Variants in TFEC observed in about 807,000 individuals in gnomAD.
The protein encoded by TFEC is class E basic helix-loop-helix protein 34.
TFEC carries 31 observed loss-of-function variants against 41.6 expected under a neutral mutation model. The observed-to-expected ratio is 0.74, with a 90% CI of 0.56 to 1.01. TFEC has a LOEUF of 1.01. TFEC is among the 50% of genes least tolerant of loss of function. The pLI is 0.00. For synonymous variants in TFEC, 143 were observed against 140.6 expected, an observed-to-expected ratio of 1.02 and a Z score of -0.12; for missense variants, 402 against 404.1, an observed-to-expected ratio of 0.99 and a Z score of 0.04.
intron 1 of TFEC, among the ~76,000 whole-genome samples, chr7:116,157,117 T>C (rs1798885803): frequency 6.6e-6 from 1 of 152,198 alleles, no homozygotes; most frequent in African/African-American, 2.4e-5. Flanking sequence ...GTTTTAAAAT[T>C]GTATCCTTCT....
At position 115,942,004 on chromosome 7, in the gene TFEC, TG is replaced by T; in HGVS notation, c.551del (p.Ala184AspfsTer26). 6.2e-7 allele frequency: 1 copy of T among 1,613,072 alleles called. No homozygotes were observed. Among genetic ancestry groups the T allele is most frequent in the Non-Finnish European group, 8.5e-7 (1 of 1,179,320 alleles). ...MRWNKGTILKASVEYIKWLQK... is the reference protein window; with the variant it reads ...MRWNKGTILKXSVEYIKWLQK... ...GTAGCCACTTGATGTACTCCACTGA[TG>T]CTTTTAGAATGGTTCCTTTGTTCCA... On this transcript the variant is annotated frameshift_variant, in exon 7 of 8. Coordinates refer to ENST00000265440, the MANE Select transcript of TFEC (RefSeq NM_012252.4). LOFTEE classifies it high-confidence loss of function.
intron 1 of TFEC, among the ~76,000 whole-genome samples, chr7:116,120,960 A>G (rs772302964): frequency 2.0e-5 from 3 of 152,002 alleles, no homozygotes; most frequent in Admixed American, 6.6e-5. Flanking sequence ...TCAGAAGGAT[A>G]ACCAGTATTA....
At chr7:116,025,939 C>T (rs936429180) in intron 1 of TFEC, among the ~76,000 whole-genome samples, 4 of 152,196 alleles carry the variant, frequency 2.6e-5, no homozygotes, top group African/African-American at 7.2e-5. Context: ...TCTCTTAAAT[C>T]GGATACAGAA....
In TFEC at chr7:115,963,217, A is replaced by G. The variant is rs146480242; in HGVS notation, c.268-6424T>C. On this transcript the variant is annotated intron_variant, in intron 3 of 7. Coordinates refer to ENST00000265440, the MANE Select transcript of TFEC (RefSeq NM_012252.4). Reference sequence around the variant, plus strand: ...TTAAGATATATACAAATGGCCAATAAGCACATGAAAAGATGCCCAATATCA... The same window carrying G: ...TTAAGATATATACAAATGGCCAATAGGCACATGAAAAGATGCCCAATATCA... 3.4e-4 allele frequency among the ~76,000 whole-genome samples: 52 copies of G among 151,964 alleles called. No homozygotes were observed. The South Asian group carries it at 4.3e-3, about 13-fold the overall frequency.
At chr7:116,155,695 T>G (rs1798856249) in intron 1 of TFEC, among the ~76,000 whole-genome samples, 2 of 152,310 alleles carry the variant, frequency 1.3e-5, no homozygotes, top group South Asian at 4.1e-4. Flanking sequence ...TCAGGCCACA[T>G]GTTTAATCAG....
At chr7:116,022,510 T>C (rs910394864) in intron 1 of TFEC, among the ~76,000 whole-genome samples, 3 of 152,196 alleles carry the variant, frequency 2.0e-5, no homozygotes, top group African/African-American at 7.2e-5. Flanking sequence ...CAAGTAGCCT[T>C]ATCTTTATAA....
chr7:116,010,131 T>A (rs1384739192), intron 1 of TFEC, among the ~76,000 whole-genome samples: 1 of 151,956 alleles, frequency 6.6e-6, no homozygotes, highest in Non-Finnish European at 1.5e-5. Context: ...ATAATGGAGC[T>A]AGAGCAGAAA....
intron 1 of TFEC, among the ~76,000 whole-genome samples, chr7:116,135,244 C>T (rs991535842): frequency 2.6e-5 from 4 of 152,032 alleles, no homozygotes; most frequent in Non-Finnish European, 4.4e-5. Flanking sequence ...AAAGCTCCAC[C>T]GTTTCACTGT....
chr7:116,063,741 C>T (rs1407166349), intron 3 of TFEC, among the ~76,000 whole-genome samples: 1 of 152,176 alleles, frequency 6.6e-6, no homozygotes, highest in African/African-American at 2.4e-5. Context: ...ATAATGTCCT[C>T]TAGGTTCATC....
chr7:115,983,187 A>G (rs1226792262), intron 2 of TFEC, among the ~76,000 whole-genome samples: 2 of 152,134 alleles, frequency 1.3e-5, no homozygotes, highest in Admixed American at 1.3e-4. Flanking sequence ...TTTTTTATAT[A>G]TCCACTACTG....
intron 1 of TFEC, among the ~76,000 whole-genome samples, chr7:116,140,757 C>A (rs892814105): frequency 2.6e-5 from 4 of 152,192 alleles, no homozygotes; most frequent in African/African-American, 9.6e-5. Context: ...ATCTGACCCT[C>A]CACACTCTGT....
At chr7:116,048,669 C>T (rs182486447) in intron 3 of TFEC, among the ~76,000 whole-genome samples, 37 of 152,186 alleles carry the variant, frequency 2.4e-4, no homozygotes, top group Admixed American at 3.3e-4. Flanking sequence ...AACTCCAAGA[C>T]ACATAATTGT....
At chr7:116,126,790 T>C (rs1798219408) in intron 1 of TFEC, among the ~76,000 whole-genome samples, 1 of 151,968 alleles carries the variant, frequency 6.6e-6, no homozygotes, top group Admixed American at 6.6e-5. Flanking sequence ...CAGGGTGAGA[T>C]TGAAAAAATA....
chr7:116,027,502 C>T (rs918359276), intron 1 of TFEC, among the ~76,000 whole-genome samples: 17 of 151,920 alleles, frequency 1.1e-4, no homozygotes, highest in Non-Finnish European at 1.9e-4. Context: ...GGGGTTGAGG[C>T]GGGAGGCTCT....
chr7:116,109,001 G>A (rs1797784827), intron 3 of TFEC, among the ~76,000 whole-genome samples: 1 of 151,960 alleles, frequency 6.6e-6, no homozygotes, highest in Non-Finnish European at 1.5e-5. Context: ...AAATGGTGCT[G>A]GGAAAACTGG....
At chr7:115,968,322 G>T in intron 3 of TFEC, 2 of 1,485,832 alleles carry the variant, frequency 1.3e-6, no homozygotes, top group Admixed American at 4.7e-5. Flanking sequence ...AGTGAACTTT[G>T]GTTCTTCTTT....
intron 3 of TFEC, among the ~76,000 whole-genome samples, chr7:115,967,558 T>G (rs938975591): frequency 4.6e-5 from 7 of 151,796 alleles, no homozygotes; most frequent in African/African-American, 1.7e-4. Context: ...TCCTCTAAAT[T>G]TGTTTTCTTT....
chr7:115,990,606 T>C (rs866015685), intron 1 of TFEC, among the ~76,000 whole-genome samples: 5 of 152,248 alleles, frequency 3.3e-5, no homozygotes, highest in Middle Eastern at 3.4e-3. Flanking sequence ...CAGTAGCTGA[T>C]TTGATCAAGT....
intron 1 of TFEC, among the ~76,000 whole-genome samples, chr7:116,026,798 A>G (rs1006695837): frequency 2.0e-5 from 3 of 152,346 alleles, no homozygotes; most frequent in East Asian, 1.9e-4. Flanking sequence ...AATCTTTAAC[A>G]GTAGGTGCAA....
Sources: allele counts gnomAD v4.1 joint callset (sites outside exome capture counted in the v4.1 genomes callset), GRCh38; gene constraint gnomAD v4.1.1; transcripts MANE v1.5; gene names NCBI Gene and HGNC (gene_info 2026-07-23, HGNC 2026-07-21).